Variants in FPR3 observed in about 807,000 individuals in gnomAD.
FPR3 encodes the protein formyl peptide receptor 3.
For synonymous variants in FPR3, 135 were observed against 163.6 expected (o/e 0.83, Z 1.34); for missense variants, 346 against 443.2 (o/e 0.78, Z 1.97).
intron 1 of FPR3, among the ~76,000 whole-genome samples, chr19:51,798,105 C>A (rs2084010457): frequency 6.6e-6 from 1 of 151,964 alleles, no homozygotes; most frequent in African/African-American, 2.4e-5. Flanking sequence ...AAAGAGATGT[C>A]ACTGATCAAG....
intron 1 of FPR3, among the ~76,000 whole-genome samples, chr19:51,813,401 C>A (rs1363831695): frequency 2.6e-5 from 4 of 151,178 alleles, no homozygotes; most frequent in Non-Finnish European, 4.4e-5. Context: ...GTATGAGCAA[C>A]CTCATTTATA....
At chr19:51,804,254 A>C (rs2084043419) in intron 1 of FPR3, 1 of 152,238 alleles carries the variant, frequency 6.6e-6, no homozygotes, top group African/African-American at 2.4e-5. Flanking sequence ...CACGAGTACA[A>C]GAAAAAAAAA....
chr19:51,797,627 T>C (rs1234480435), intron 1 of FPR3, among the ~76,000 whole-genome samples: 1 of 152,180 alleles, frequency 6.6e-6, no homozygotes, highest in African/African-American at 2.4e-5. Context: ...TGCTTACACA[T>C]ATTAACACAT....
At chr19:51,820,831 A>C (rs576950809) in intron 1 of FPR3, among the ~76,000 whole-genome samples, 2 of 152,352 alleles carry the variant, frequency 1.3e-5, no homozygotes, top group African/African-American at 4.8e-5. Context: ...TGGTTATACT[A>C]ATTAAAACTA....
chr19:51,801,245 C>T (rs1477930702), intron 1 of FPR3, among the ~76,000 whole-genome samples: 1 of 151,832 alleles, frequency 6.6e-6, no homozygotes, highest in Non-Finnish European at 1.5e-5. Context: ...GAAGAAACTT[C>T]TAGATATGGG....
chr19:51,816,937 TTATTG>T (rs1480542466), intron 1 of FPR3, among the ~76,000 whole-genome samples: 1 of 152,194 alleles, frequency 6.6e-6, no homozygotes, highest in Non-Finnish European at 1.5e-5. Context: ...TCTTTGTTGT[TTATTG>T]TTTTCCTCTC....
rs1336781028 is a variant in FPR3 at position 51,825,862 on chromosome 19, A to C, written c.*1052A>C. On this transcript the variant is annotated 3_prime_UTR_variant, in exon 2 of 2. Coordinates refer to ENST00000339223, the MANE Select transcript of FPR3 (RefSeq NM_002030.5). ...GAAAAGAGTACAAGAGAAGAGACAAAGTGGGGATATTTGTAAGGCTTAGAT... is the reference window on the plus strand; with the variant it reads ...GAAAAGAGTACAAGAGAAGAGACAACGTGGGGATATTTGTAAGGCTTAGAT... 6.0e-6 allele frequency: 1 copy of C among 167,102 alleles called. No homozygotes were observed. The highest frequency in any genetic ancestry group is 1.9e-4 in the East Asian group (1 of 5,204). The allele number at this position is 167,102 out of a possible 1,614,324, so 10.4% of individuals were successfully genotyped here. A position where few individuals can be genotyped will look rare whatever the true frequency, so the allele number is the denominator to read the frequency against.
rs1161165622 is a variant in FPR3, at chr19:51,825,635, C to T, written c.*825C>T. The T allele has an allele frequency of 6.0e-6, 1 of 167,096 alleles. No individual in the cohort carries two copies. Among genetic ancestry groups the T allele is most frequent in the East Asian group, 1.9e-4 (1 of 5,198 alleles). 10.4% of individuals were successfully genotyped at this position (167,096 alleles called of 1,614,324 possible). A position where few individuals can be genotyped will look rare whatever the true frequency, so the allele number is the denominator to read the frequency against. ...GCTAAAACCAACATACATCTTAATA[C>T]CAGATACCCTAATCCCAGTCCTAAC... On this transcript the variant is annotated 3_prime_UTR_variant, in exon 2 of 2. Coordinates refer to ENST00000339223, the MANE Select transcript of FPR3 (RefSeq NM_002030.5).
chr19:51,801,520 C>A (rs2084026558), intron 1 of FPR3, among the ~76,000 whole-genome samples: 1 of 152,222 alleles, frequency 6.6e-6, no homozygotes, highest in Non-Finnish European at 1.5e-5. Context: ...GTGGCTCACG[C>A]CCGTAATCCC....
chr19:51,799,568 C>T (rs1036543815), intron 1 of FPR3, among the ~76,000 whole-genome samples: 9 of 152,220 alleles, frequency 5.9e-5, no homozygotes, highest in Non-Finnish European at 1.0e-4. Context: ...CTGGCCCAGA[C>T]GGCACTACTG....
chr19:51,799,110 G>A (rs540537947), intron 1 of FPR3, among the ~76,000 whole-genome samples: 4 of 152,094 alleles, frequency 2.6e-5, no homozygotes, highest in African/African-American at 9.6e-5. Context: ...GGAACCATTC[G>A]GACATTTGCC....
At position 51,824,057 on chromosome 19, in the gene FPR3, T is replaced by A. The variant is rs1314595306; in HGVS notation, c.309T>A (p.Val103=). The change falls in exon 2 of 2, where the codon GTT becomes GTA. Residue 103 remains valine (V), a synonymous_variant. Transcript: ENST00000339223. The surrounding 1 kb of genome is among the most constrained non-coding windows in gnomAD (Gnocchi z 4.7). The stretch of plus-strand genomic sequence containing the variant: ...CATTCCTATGTAAGTTAGTTCATGT[T>A]ATGATAGACATCAACCTGTTTGTCA... ...FGSFLCKLVH[V]MIDINLFVSV... The A allele has an allele frequency of 6.2e-7, 1 of 1,614,056 alleles. No individual in the cohort carries two copies. Among genetic ancestry groups the A allele is most frequent in the Non-Finnish European group, 8.5e-7 (1 of 1,180,012 alleles).
chr19:51,795,873 G>A (rs185752722), intron 1 of FPR3, among the ~76,000 whole-genome samples: 1 of 151,920 alleles, frequency 6.6e-6, no homozygotes, highest in Admixed American at 6.5e-5. Flanking sequence ...CCCCAAAGGT[G>A]TTTTACTTTT....
rs2084208935 is a variant in FPR3, at chr19:51,823,828, T to A, written c.80T>A (p.Ile27Asn). 6.2e-7 allele frequency: 1 copy of A among 1,613,950 alleles called. No individual in the cohort carries two copies. Among genetic ancestry groups the A allele is most frequent in the Non-Finnish European group, 8.5e-7 (1 of 1,179,986 alleles). ...PEPAGHTVLW[I>N]FSLLVHGVTF... The stretch of plus-strand genomic sequence containing the variant: ...CCTGCTGGCCACACCGTTCTGTGGA[T>A]CTTCTCATTGCTAGTCCACGGAGTC... The change falls in exon 2 of 2, where the codon ATC (isoleucine) becomes AAC (asparagine). Residue 27 changes from isoleucine to asparagine, a missense_variant. Ile to Asn is a moderately radical substitution (Grantham distance 149, BLOSUM62 -3). Coordinates refer to ENST00000339223, the MANE Select transcript of FPR3 (RefSeq NM_002030.5).
At chr19:51,814,488 T>TTGTC (rs891743126) in intron 1 of FPR3, among the ~76,000 whole-genome samples, 2 of 151,360 alleles carry the variant, frequency 1.3e-5, no homozygotes, top group African/African-American at 4.9e-5. Flanking sequence ...TTTTTGTTTT[T>TTGTC]TGTTTGTTTT....
intron 1 of FPR3, among the ~76,000 whole-genome samples, chr19:51,823,377 C>T (rs977606177): frequency 2.6e-5 from 4 of 152,104 alleles, no homozygotes; most frequent in Admixed American, 2.0e-4. Flanking sequence ...GTGATGGAGG[C>T]CACAGATGTG....
intron 1 of FPR3, among the ~76,000 whole-genome samples, chr19:51,811,262 C>CA (rs58804827): frequency 0.25 from 38,019 of 152,072 alleles, 5,013 homozygotes; most frequent in South Asian, 0.37. Flanking sequence ...CTGTGGAAAC[C>CA]ATGGGTTATG....
intron 1 of FPR3, among the ~76,000 whole-genome samples, chr19:51,798,132 G>A (rs2084010597): frequency 6.6e-6 from 1 of 151,996 alleles, no homozygotes; most frequent in African/African-American, 2.4e-5. Context: ...CACCATCGAG[G>A]TGTCAGAGAT....
intron 1 of FPR3, among the ~76,000 whole-genome samples, chr19:51,821,314 C>T (rs982028660): frequency 6.6e-6 from 1 of 152,176 alleles, no homozygotes; most frequent in Admixed American, 6.5e-5. Flanking sequence ...TACTCTGTAA[C>T]AGTGATGCTC....
Sources: gnomAD v4.1 joint callset for allele counts (sites outside exome capture counted in the v4.1 genomes callset) on GRCh38, gnomAD v4.1.1 for gene constraint, Gnocchi (gnomAD v3.1) non-coding constraint, MANE v1.5 for transcripts, NCBI Gene and HGNC (gene_info 2026-07-23, HGNC 2026-07-21) for gene names.